The following CACNB4 variants were observed in gnomAD, a reference collection of about 807,000 sequenced individuals.
CACNB4 encodes the protein voltage-dependent L-type calcium channel subunit beta-4.
Under a neutral mutation model 71.2 loss-of-function variants are expected in CACNB4, and 32 were observed. That is an observed-to-expected ratio of 0.45 (90% confidence interval 0.34 to 0.60). The LOEUF is 0.60. Ranked by LOEUF, CACNB4 falls within the 20% of genes least tolerant of loss-of-function variation. The probability of loss-of-function intolerance (pLI) is 0.01; values close to 1 mark genes in which losing one functional copy is unlikely to be tolerated. For missense variants in CACNB4, 464 were observed against 647.9 expected (o/e 0.72, Z 3.08); for synonymous variants, 231 against 236.9 (o/e 0.97, Z 0.23).
intron 2 of CACNB4, among the ~76,000 whole-genome samples, chr2:152,001,861 T>C (rs553919215): frequency 6.6e-6 from 1 of 152,156 alleles, no homozygotes; most frequent in African/African-American, 2.4e-5. Context: ...TAAGTGTAAA[T>C]GGTCAGCAAG....
intron 2 of CACNB4, among the ~76,000 whole-genome samples, chr2:152,055,566 C>A (rs2105311352): frequency 6.6e-6 from 1 of 152,302 alleles, no homozygotes; most frequent in South Asian, 2.1e-4. Flanking sequence ...ACAGGCAATG[C>A]AAGACATGAA....
rs752660925 is a variant in CACNB4, at chr2:151,956,370, A to G, written c.148-73000T>C. ...GAATAATATTTGGCAATACAAAGAA[A>G]TGAAATGCTGATAAAAGCTGCAACA... is the stretch of plus-strand genomic sequence containing the variant. On this transcript the variant is annotated intron_variant, in intron 2 of 13. Transcript: ENST00000539935. Among the ~76,000 whole-genome samples the G allele has an allele frequency of 5.3e-5, 8 of 152,244 alleles. 1 individual carries two copies. In the South Asian group the frequency reaches 6.2e-4, roughly 12 times the overall value.
chr2:152,098,928 A>AG lies in CACNB4; in HGVS notation c.63+20dup, dbSNP rs778485169. The AG allele has an allele frequency of 1.1e-6, 1 of 915,488 alleles. No individual in the cohort carries two copies. The highest frequency in any genetic ancestry group is 1.4e-6 in the Non-Finnish European group (1 of 731,104). The allele number at this position is 915,488 out of a possible 1,614,324, so 56.7% of individuals were successfully genotyped here. On this transcript the variant is annotated intron_variant, in intron 1 of 13. Transcript: ENST00000539935. This position sits in a 1 kb window ranked among gnomAD's most constrained non-coding sequence, Gnocchi z 5.3. Reference sequence around the variant, plus strand: ...AGGAAGGAAGAGGAGGAAGAGGAGAAGGGGGAGGAGGGGGCGGTACCTGCG... The same window carrying AG: ...AGGAAGGAAGAGGAGGAAGAGGAGAAGGGGGGAGGAGGGGGCGGTACCTGCG...
At chr2:151,850,049 C>T (rs2099838609) in intron 12 of CACNB4, 1 of 151,832 alleles carries the variant, frequency 6.6e-6, no homozygotes, top group South Asian at 2.1e-4. Context: ...TGGCCCTTTA[C>T]TTAAAAAGTT....
intron 2 of CACNB4, among the ~76,000 whole-genome samples, chr2:151,930,963 C>G (rs989190566): frequency 6.6e-6 from 1 of 152,146 alleles, no homozygotes; most frequent in African/African-American, 2.4e-5. Context: ...TTATGGGACT[C>G]TAGATCTTTA....
intron 2 of CACNB4, among the ~76,000 whole-genome samples, chr2:152,026,440 A>G (rs766147626): frequency 6.6e-6 from 1 of 151,142 alleles, no homozygotes; most frequent in Non-Finnish European, 1.5e-5. Context: ...GCTGGAGTGC[A>G]GTGGTGCCAT....
At chr2:151,937,220 C>G (rs1395025175) in intron 2 of CACNB4, among the ~76,000 whole-genome samples, 1 of 152,160 alleles carries the variant, frequency 6.6e-6, no homozygotes, top group Non-Finnish European at 1.5e-5. Context: ...TAACTATATG[C>G]CAGGAAGGCT....
intron 2 of CACNB4, among the ~76,000 whole-genome samples, chr2:151,905,131 AGGCCT>A (rs1240109740): frequency 6.6e-6 from 1 of 152,226 alleles, no homozygotes; most frequent in African/African-American, 2.4e-5. Flanking sequence ...AATGTAGCCC[AGGCCT>A]GCAGATGAAC....
At chr2:151,859,418 GAC>G (rs2099841106) in intron 10 of CACNB4, 2 of 152,200 alleles carry the variant, frequency 1.3e-5, no homozygotes, top group Non-Finnish European at 2.9e-5. Context: ...AAAAGCCAAA[GAC>G]ACTATAAGGA....
At position 151,837,167 on chromosome 2, in the gene CACNB4, G is replaced by T. The variant is rs764877003; in HGVS notation, c.*1952C>A. On this transcript the variant is annotated 3_prime_UTR_variant, in exon 14 of 14. Coordinates refer to ENST00000539935, the MANE Select transcript of CACNB4 (RefSeq NM_000726.5). ...AATGTCTTAACTGAAAGTTTTATAA[G>T]CTTCACTAGATGACAGAAGAATCTC... The T allele has an allele frequency of 2.4e-4, 37 of 151,952 alleles. No individual in the cohort carries two copies. The highest frequency in any genetic ancestry group is 6.6e-4 in the Admixed American group (10 of 15,240). The allele number at this position is 151,952 out of a possible 1,614,324, so 9.4% of individuals were successfully genotyped here.
chr2:151,891,610 G>A (rs2099850735), intron 2 of CACNB4, among the ~76,000 whole-genome samples: 1 of 152,208 alleles, frequency 6.6e-6, no homozygotes, highest in African/African-American at 2.4e-5. Context: ...TTACATGTAT[G>A]TAAGAAGTGC....
intron 2 of CACNB4, among the ~76,000 whole-genome samples, chr2:152,022,758 T>G (rs1386455522): frequency 6.6e-6 from 1 of 152,144 alleles, no homozygotes. Context: ...AGCATAATAT[T>G]CTACTGGGAT....
intron 2 of CACNB4, among the ~76,000 whole-genome samples, chr2:151,982,452 T>C (rs1378551459): frequency 6.6e-6 from 1 of 152,010 alleles, no homozygotes; most frequent in East Asian, 1.9e-4. Context: ...GCTAACACAG[T>C]GAAACCCTGT....
At position 152,098,277 on chromosome 2, in the gene CACNB4, G is replaced by T; in HGVS notation, c.147+53C>A. ...GGCCACGGCCGGCTCCAGGACCCCC[G>T]CGCCGCGCGCTCGGCCTCCTCCCCA... On this transcript the variant is annotated intron_variant, in intron 2 of 13. Transcript: ENST00000539935. This position sits in a 1 kb window ranked among gnomAD's most constrained non-coding sequence, Gnocchi z 5.3. 15 of 1,453,914 alleles carry T rather than the reference G, an allele frequency of 1.0e-5. No homozygotes were observed. The South Asian group carries it at 1.6e-4, about 15-fold the overall frequency. The allele number at this position is 1,453,914 out of a possible 1,614,324, so 90.1% of individuals were successfully genotyped here.
At chr2:151,941,958 A>G (rs1162914360) in intron 2 of CACNB4, among the ~76,000 whole-genome samples, 1 of 152,246 alleles carries the variant, frequency 6.6e-6, no homozygotes, top group African/African-American at 2.4e-5. Context: ...AAGGCCCCAA[A>G]GTAACCCTAA....
At chr2:151,955,399 A>G (rs1185801483) in intron 2 of CACNB4, among the ~76,000 whole-genome samples, 1 of 152,160 alleles carries the variant, frequency 6.6e-6, no homozygotes, top group Non-Finnish European at 1.5e-5. Flanking sequence ...TGAGGGAAGG[A>G]AGGCAGAAAA....
chr2:151,846,971 T>C (rs997695454), intron 12 of CACNB4, among the ~76,000 whole-genome samples: 1 of 152,156 alleles, frequency 6.6e-6, no homozygotes, highest in Non-Finnish European at 1.5e-5. Flanking sequence ...TTACATTTAT[T>C]TGTTGTACAT....
intron 2 of CACNB4, among the ~76,000 whole-genome samples, chr2:152,079,395 T>C (rs1184292532): frequency 6.6e-6 from 1 of 151,684 alleles, no homozygotes; most frequent in Non-Finnish European, 1.5e-5. Context: ...GCCGTGTTGT[T>C]GTTGTTGTTG....
intron 2 of CACNB4, among the ~76,000 whole-genome samples, chr2:151,958,649 A>G (rs1472838596): frequency 6.6e-6 from 1 of 152,084 alleles, no homozygotes; most frequent in Non-Finnish European, 1.5e-5. Flanking sequence ...ATATTTTTTC[A>G]GTTCACCTCC....
Sources: allele counts gnomAD v4.1 joint callset (sites outside exome capture counted in the v4.1 genomes callset), GRCh38; gene constraint gnomAD v4.1.1; non-coding constraint Gnocchi (gnomAD v3.1); transcripts MANE v1.5; gene names NCBI Gene and HGNC (gene_info 2026-07-23, HGNC 2026-07-21).